Variants in DENND4A observed in about 807,000 individuals in gnomAD.
DENND4A encodes the protein C-myc promoter-binding protein.
In DENND4A, 70 loss-of-function variants were observed where a neutral mutation model predicts 199.3. That is an observed-to-expected ratio of 0.35 (90% CI 0.29 to 0.43). DENND4A has a LOEUF of 0.43. Ranked by LOEUF, DENND4A falls within the 20% of genes least tolerant of loss-of-function variation. The probability of loss-of-function intolerance (pLI) is 1.00; values close to 1 mark genes in which losing one functional copy is unlikely to be tolerated. For missense variants in DENND4A, 1,723 were observed against 2,255.8 expected (o/e 0.76, Z 4.78); for synonymous variants, 686 against 766.9 (o/e 0.89, Z 1.74).
intron 1 of DENND4A, among the ~76,000 whole-genome samples, chr15:65,775,169 C>A (rs2077248722): frequency 6.6e-6 from 1 of 151,830 alleles, no homozygotes; most frequent in African/African-American, 2.4e-5. Flanking sequence ...AAATTTGAGA[C>A]CCCATCTCTA....
rs186292037 is a variant in DENND4A at position 65,732,838 on chromosome 15, G to A, written c.1041-20C>T. 4 of 1,478,860 alleles carry A rather than the reference G, an allele frequency of 2.7e-6. No homozygotes were observed. Among genetic ancestry groups the A allele is most frequent in the South Asian group, 2.3e-5 (2 of 85,944 alleles). 91.6% of individuals were successfully genotyped at this position (1,478,860 alleles called of 1,614,324 possible). On this transcript the variant is annotated intron_variant, in intron 7 of 32. Coordinates refer to ENST00000443035, the MANE Select transcript of DENND4A (RefSeq NM_001320835.1). ...ATATGCCTTGAAAACAAACAAAAGT[G>A]TAAGTGATTCCAAAGTGAACGTCAT...
At chr15:65,742,739 TC>T (rs1486049736) in intron 4 of DENND4A, among the ~76,000 whole-genome samples, 1 of 152,126 alleles carries the variant, frequency 6.6e-6, no homozygotes, top group African/African-American at 2.4e-5. Flanking sequence ...GTGCCCAGCC[TC>T]TTTTTATTCT....
rs2076938410 is a variant in DENND4A at position 65,690,577 on chromosome 15, A to C, written c.4017T>G (p.Ser1339=). ...GTGATGAGTGGGTTAATGTATCCTG[A>C]GATTCTTCCCTAAATGGGCAAGTAG... is the stretch of plus-strand genomic sequence containing the variant. ...FSPTCPFREE[S]QDTLTHSSPS... Residue 1339 remains serine (S), a synonymous_variant, in exon 23 of 33, where the codon TCT becomes TCG. Transcript: ENST00000443035. 1.2e-6 allele frequency: 2 copies of C among 1,613,594 alleles called. No homozygotes were observed. Among genetic ancestry groups the C allele is most frequent in the Non-Finnish European group, 8.5e-7 (1 of 1,179,748 alleles).
Position 65,701,095 on chromosome 15 carries a change from C to T in DENND4A, c.2657G>A (p.Arg886Lys), listed in dbSNP as rs138998131. The T allele has an allele frequency of 5.7e-5, 92 of 1,610,164 alleles. No homozygotes were observed. The highest frequency in any genetic ancestry group is 1.0e-4 in the Admixed American group (6 of 59,202). Residue 886 changes from arginine (R) to lysine (K), a missense_variant, in exon 19 of 33, where the codon AGA becomes AAA. Physicochemically the swap from Arg to Lys is conservative, Grantham distance 26. Coordinates refer to ENST00000443035, the MANE Select transcript of DENND4A (RefSeq NM_001320835.1). ...NVVLGVTQFK[R>K]ALKKHAHLSQ... ...TAAGTGTGCATGCTTCTTTAAAGCT[C>T]TTTTGAACTGTGTTACTCCTAAAAC...
intron 12 of DENND4A, among the ~76,000 whole-genome samples, 198 bp from the exon 13 acceptor site, chr15:65,718,194 A>C (rs1297037108): frequency 6.6e-6 from 1 of 152,124 alleles, no homozygotes; most frequent in Non-Finnish European, 1.5e-5. Flanking sequence ...TCCAAATTAA[A>C]CACAAAGCTA....
chr15:65,748,636 C>CA (rs1406689510), intron 4 of DENND4A, among the ~76,000 whole-genome samples: 19 of 140,944 alleles, frequency 1.3e-4, no homozygotes, highest in African/African-American at 3.4e-4. Context: ...AAAAAAAAAA[C>CA]AAACAAAAAA....
chr15:65,726,493 T>C (rs1327602738), intron 11 of DENND4A, among the ~76,000 whole-genome samples: 2 of 152,218 alleles, frequency 1.3e-5, no homozygotes, highest in African/African-American at 4.8e-5. Flanking sequence ...TGATGCCGTA[T>C]GTAAAATGGC....
intron 30 of DENND4A, 62 bp from the exon 31 acceptor site, chr15:65,664,784 A>C: frequency 2.2e-6 from 3 of 1,369,974 alleles, no homozygotes; most frequent in Non-Finnish European, 2.0e-6. Flanking sequence ...GAAAGAAATT[A>C]AGCAGCAACT....
chr15:65,709,722 A>G (rs2075184849), intron 14 of DENND4A, among the ~76,000 whole-genome samples: 1 of 107,958 alleles, frequency 9.3e-6, no homozygotes, highest in South Asian at 3.0e-4. Flanking sequence ...AAAAAAAAAT[A>G]TATATATATA....
At chr15:65,717,566 T>C (rs1358701720) in intron 13 of DENND4A, among the ~76,000 whole-genome samples, 1 of 152,186 alleles carries the variant, frequency 6.6e-6, no homozygotes, top group Admixed American at 6.5e-5. Flanking sequence ...CTCTATACTT[T>C]TCTTCTGCAT....
chr15:65,739,223 T>C (rs1470482434), intron 5 of DENND4A, among the ~76,000 whole-genome samples: 2 of 152,204 alleles, frequency 1.3e-5, no homozygotes, highest in African/African-American at 2.4e-5. Flanking sequence ...ATTTTCAATA[T>C]GGTTTATTTT....
At chr15:65,737,638 G>T in intron 7 of DENND4A, 69 bp downstream of exon 7, 1 of 1,466,958 alleles carries the variant, frequency 6.8e-7, no homozygotes, top group Non-Finnish European at 9.1e-7. Context: ...AATTTACCCA[G>T]TTGCCGACAC....
At chr15:65,771,090 C>T (rs2727099) in intron 1 of DENND4A, 607,436 of 1,291,918 alleles carry the variant, frequency 0.47, 151,636 homozygotes, top group African/African-American at 0.83. Context: ...TCAGATCTTT[C>T]CCTTCATCTC....
chr15:65,755,169 T>C (rs1323468223), intron 3 of DENND4A, among the ~76,000 whole-genome samples: 1 of 152,250 alleles, frequency 6.6e-6, no homozygotes, highest in African/African-American at 2.4e-5. Flanking sequence ...AGTATGATTC[T>C]ATTTATATGA....
chr15:65,686,482 C>T (rs1025883175), intron 23 of DENND4A, among the ~76,000 whole-genome samples: 1 of 152,154 alleles, frequency 6.6e-6, no homozygotes, highest in African/African-American at 2.4e-5. Flanking sequence ...CTTAATTCTA[C>T]CAATTGTGTC....
intron 1 of DENND4A, among the ~76,000 whole-genome samples, chr15:65,788,650 G>A (rs975815682): frequency 4.6e-5 from 7 of 151,984 alleles, no homozygotes; most frequent in Non-Finnish European, 1.0e-4. Flanking sequence ...TTGGGCTCAC[G>A]AGTTCAAGAC....
At chr15:65,789,703 T>C (rs1482262703) in intron 1 of DENND4A, among the ~76,000 whole-genome samples, 1 of 152,184 alleles carries the variant, frequency 6.6e-6, no homozygotes, top group African/African-American at 2.4e-5. Context: ...TAAGTAGGAA[T>C]AGCACAAGGT....
intron 11 of DENND4A, chr15:65,727,915 A>G (rs2075851390): frequency 8.2e-6 from 2 of 244,626 alleles, no homozygotes; most frequent in South Asian, 8.9e-5. Flanking sequence ...TTGCATCCCT[A>G]GGGTGTAAAG....
intron 21 of DENND4A, 23 bp downstream of exon 21, chr15:65,697,244 A>G (rs1033020779): frequency 2.9e-6 from 4 of 1,375,584 alleles, no homozygotes; most frequent in East Asian, 2.3e-5. Context: ...ATTTTATACA[A>G]TATCAACTTA....
Sources: allele counts gnomAD v4.1 joint callset (sites outside exome capture counted in the v4.1 genomes callset), GRCh38; gene constraint gnomAD v4.1.1; transcripts MANE v1.5; gene names NCBI Gene and HGNC (gene_info 2026-07-23, HGNC 2026-07-21).